The following PRKD1 variants were observed in gnomAD, a reference collection of about 807,000 sequenced individuals.
PRKD1 encodes the protein serine/threonine-protein kinase D1.
PRKD1 carries 63 observed loss-of-function variants against 95.9 expected under a neutral mutation model. The observed-to-expected ratio is 0.66, with a 90% CI of 0.54 to 0.81. The LOEUF is 0.81. PRKD1 is among the 30% of genes least tolerant of loss of function. The probability of loss-of-function intolerance (pLI) is 0.00; values close to 1 mark genes in which losing one functional copy is unlikely to be tolerated. For missense variants in PRKD1, 1,048 were observed against 1,165.3 expected (o/e 0.90, Z 1.47); for synonymous variants, 425 against 423.1 (o/e 1.00, Z -0.05).
intron 2 of PRKD1, 81 bp from the exon 3 acceptor site, chr14:29,666,289 G>A: frequency 7.1e-7 from 1 of 1,412,760 alleles, no homozygotes; most frequent in Non-Finnish European, 9.6e-7. Context: ...TAATAAATAT[G>A]CCAGTACGGA....
intron 1 of PRKD1, among the ~76,000 whole-genome samples, chr14:29,784,062 C>A (rs952721987): frequency 2.6e-5 from 4 of 152,132 alleles, no homozygotes; most frequent in African/African-American, 9.7e-5. Context: ...TGTCCTGAAG[C>A]ATTTTCTCTA....
rs962098436 is a variant in PRKD1 at position 29,762,338 on chromosome 14, A to G, written c.265-36664T>C. Among the ~76,000 whole-genome samples, 5 of 152,114 alleles carry G rather than the reference A, an allele frequency of 3.3e-5. 1 individual carries two copies. The highest frequency in any genetic ancestry group is 1.2e-4 in the African/African-American group (5 of 41,422). ...TGAACTCCACTCCCTTTGTCTTCAT[A>G]GGCACTCCAGCCACCACTCTGCATG... On this transcript the variant is annotated intron_variant, in intron 1 of 17. Transcript: ENST00000331968.
chr14:29,829,614 T>C (rs1242963112), intron 1 of PRKD1, among the ~76,000 whole-genome samples: 2 of 152,206 alleles, frequency 1.3e-5, no homozygotes, highest in Non-Finnish European at 2.9e-5. Context: ...AGAGACCTTC[T>C]TTTAAATAAT....
chr14:29,874,224 A>G (rs1472035000), intron 1 of PRKD1, among the ~76,000 whole-genome samples: 2 of 152,208 alleles, frequency 1.3e-5, no homozygotes, highest in Non-Finnish European at 1.5e-5. Context: ...GATATATGAA[A>G]AAGTGCTCAA....
At chr14:29,700,156 C>A (rs1369395224) in intron 2 of PRKD1, among the ~76,000 whole-genome samples, 1 of 151,470 alleles carries the variant, frequency 6.6e-6, no homozygotes, top group East Asian at 1.9e-4. Flanking sequence ...TATACCCCTA[C>A]AAATTTTAGG....
At chr14:29,829,848 C>A (rs556952926) in intron 1 of PRKD1, among the ~76,000 whole-genome samples, 3 of 152,152 alleles carry the variant, frequency 2.0e-5, no homozygotes, top group Non-Finnish European at 4.4e-5. Context: ...ATTTGCATAT[C>A]AGGGAAAATA....
At chr14:29,784,675 C>CT (rs1889189290) in intron 1 of PRKD1, among the ~76,000 whole-genome samples, 1 of 152,108 alleles carries the variant, frequency 6.6e-6, no homozygotes, top group Non-Finnish European at 1.5e-5. Flanking sequence ...CTTAAGGATA[C>CT]AAAAGTTGCC....
chr14:29,871,481 G>A (rs1893104284), intron 1 of PRKD1, among the ~76,000 whole-genome samples: 1 of 152,034 alleles, frequency 6.6e-6, no homozygotes, highest in Non-Finnish European at 1.5e-5. Context: ...GAAAGTCTGA[G>A]TTCTTATTTT....
intron 13 of PRKD1, among the ~76,000 whole-genome samples, chr14:29,622,970 C>T (rs981106329): frequency 1.6e-4 from 24 of 152,278 alleles, no homozygotes; most frequent in Middle Eastern, 6.8e-3. Context: ...GACCACAGTG[C>T]GTGGAGACTG....
At chr14:29,687,975 G>A (rs536576690) in intron 2 of PRKD1, among the ~76,000 whole-genome samples, 1 of 152,278 alleles carries the variant, frequency 6.6e-6, no homozygotes, top group South Asian at 2.1e-4. Context: ...AAACTCCGTG[G>A]CTTAAAATAA....
At chr14:29,727,864 C>T (rs955708615) in intron 1 of PRKD1, among the ~76,000 whole-genome samples, 4 of 151,330 alleles carry the variant, frequency 2.6e-5, no homozygotes, top group African/African-American at 7.3e-5. Flanking sequence ...TTTGTAGGGA[C>T]ATGGATGAAA....
At chr14:29,583,273 T>C (rs1235448409) in intron 16 of PRKD1, among the ~76,000 whole-genome samples, 3 of 152,148 alleles carry the variant, frequency 2.0e-5, no homozygotes, top group Non-Finnish European at 4.4e-5. Flanking sequence ...TTTCAGGCAA[T>C]AAACAGATGC....
At chr14:29,847,974 G>A (rs1892150495) in intron 1 of PRKD1, among the ~76,000 whole-genome samples, 1 of 151,962 alleles carries the variant, frequency 6.6e-6, no homozygotes, top group African/African-American at 2.4e-5. Flanking sequence ...CAATTACACT[G>A]GCAGAATAGG....
At chr14:29,843,462 C>T (rs1447693502) in intron 1 of PRKD1, among the ~76,000 whole-genome samples, 2 of 151,836 alleles carry the variant, frequency 1.3e-5, no homozygotes, top group African/African-American at 4.8e-5. Context: ...CAGATATTGA[C>T]AAAAAAACAG....
intron 1 of PRKD1, among the ~76,000 whole-genome samples, chr14:29,736,171 A>T (rs138396503): frequency 1.4e-4 from 21 of 152,320 alleles, no homozygotes; most frequent in African/African-American, 5.1e-4. Context: ...GCCTCTTAGG[A>T]CAGTTGTCAC....
intron 1 of PRKD1, among the ~76,000 whole-genome samples, chr14:29,741,295 A>C (rs1886969398): frequency 6.6e-6 from 1 of 152,208 alleles, no homozygotes; most frequent in Non-Finnish European, 1.5e-5. Flanking sequence ...TTCACCGTGA[A>C]TATTATCATA....
chr14:29,736,261 C>T (rs1313761743), intron 1 of PRKD1, among the ~76,000 whole-genome samples: 3 of 152,190 alleles, frequency 2.0e-5, no homozygotes, highest in Non-Finnish European at 4.4e-5. Flanking sequence ...TGGTCTTCAA[C>T]TGCTAAGAGA....
In PRKD1 at chr14:29,620,021, A is replaced by G. The variant is rs1427010237; in HGVS notation, c.1905+4131T>C. Among the ~76,000 whole-genome samples, 4 of 152,092 alleles carry G rather than the reference A, an allele frequency of 2.6e-5. No individual in the cohort carries two copies. The South Asian group carries it at 8.3e-4, about 32-fold the overall frequency. The stretch of plus-strand genomic sequence containing the variant: ...ACAGAGCCCTCAGAAATGACGCCGC[A>G]TATCTACAACTGTCTGATCTTTGAC... On this transcript the variant is annotated intron_variant, in intron 13 of 17. Coordinates refer to ENST00000331968, the MANE Select transcript of PRKD1 (RefSeq NM_002742.3).
At chr14:29,856,738 C>G (rs765413731) in intron 1 of PRKD1, among the ~76,000 whole-genome samples, 2 of 152,116 alleles carry the variant, frequency 1.3e-5, no homozygotes, top group African/African-American at 4.8e-5. Context: ...AGTTTGGGTA[C>G]CTAAAATAGG....
Sources: allele counts gnomAD v4.1 joint callset (sites outside exome capture counted in the v4.1 genomes callset), GRCh38; gene constraint gnomAD v4.1.1; transcripts MANE v1.5; gene names NCBI Gene and HGNC (gene_info 2026-07-23, HGNC 2026-07-21).